RAB2B: variants seen among roughly 807,000 people sequenced by gnomAD.
RAB2B encodes RAB2B, member RAS oncogene family.
Under a neutral mutation model 29.8 loss-of-function variants are expected in RAB2B, and 20 were observed. The observed-to-expected ratio is 0.67, with a 90% confidence interval of 0.47 to 0.97. RAB2B has a LOEUF of 0.97. Ranked by LOEUF, RAB2B falls within the 50% of genes least tolerant of loss-of-function variation. RAB2B has a pLI of 0.00. For synonymous variants in RAB2B, 93 were observed against 91.7 expected (o/e 1.01, Z -0.08); for missense variants, 218 against 272.0 (o/e 0.80, Z 1.40).
chr14:21,460,091 A>T lies in RAB2B; in HGVS notation c.*1105T>A. Reference sequence around the variant, plus strand: ...AGAGAAGTACTCAGTGCTCTTGGGCAAGTAGAGGAAACTGCCTTCTACAAG... The same window carrying T: ...AGAGAAGTACTCAGTGCTCTTGGGCTAGTAGAGGAAACTGCCTTCTACAAG... On this transcript the variant is annotated 3_prime_UTR_variant, in exon 8 of 8. Coordinates refer to ENST00000397762, the MANE Select transcript of RAB2B (RefSeq NM_032846.4). The T allele has an allele frequency of 1.9e-6, 1 of 513,214 alleles. No individual in the cohort carries two copies. The highest frequency in any genetic ancestry group is 1.4e-5 in the South Asian group (1 of 70,964). The allele number at this position is 513,214 out of a possible 1,614,324, so 31.8% of individuals were successfully genotyped here.
intron 7 of RAB2B, among the ~76,000 whole-genome samples, chr14:21,462,085 C>G (rs969616142): frequency 6.6e-6 from 1 of 151,328 alleles, no homozygotes; most frequent in Non-Finnish European, 1.5e-5. Context: ...CTGAGGTTGA[C>G]AAGAAAATCT....
rs1290447233 is a variant in RAB2B, at chr14:21,459,125, C to G, written c.*2071G>C. 1.3e-5 allele frequency: 2 copies of G among 152,468 alleles called. No homozygotes were observed. The highest frequency in any genetic ancestry group is 1.3e-4 in the Admixed American group (2 of 15,270). The allele number at this position is 152,468 out of a possible 1,614,324, so 9.4% of individuals were successfully genotyped here. A position where few individuals can be genotyped will look rare whatever the true frequency, so the allele number is the denominator to read the frequency against. ...AGGGCTGTGGAAGAGAACGGGACAT[C>G]AAGGAAAAAAGATATATATAGCAAC... On this transcript the variant is annotated 3_prime_UTR_variant, in exon 8 of 8. Coordinates refer to ENST00000397762, the MANE Select transcript of RAB2B (RefSeq NM_032846.4).
At chr14:21,474,001 G>A (rs1890884572) in intron 3 of RAB2B, among the ~76,000 whole-genome samples, 1 of 151,956 alleles carries the variant, frequency 6.6e-6, no homozygotes, top group Non-Finnish European at 1.5e-5. Context: ...AACAGAGTAA[G>A]ACTCCGTCTC....
intron 5 of RAB2B, among the ~76,000 whole-genome samples, chr14:21,467,609 T>C (rs983616415): frequency 4.6e-5 from 7 of 152,244 alleles, no homozygotes; most frequent in Non-Finnish European, 1.0e-4. Context: ...GGAATCCTTG[T>C]ACATTGCTGG....
In RAB2B at chr14:21,471,041, C is replaced by T. The variant is rs547546966; in HGVS notation, c.187-2289G>A. Reference sequence around the variant, plus strand: ...AAAAAAAAATAGGTGGGCGTGGTGGCGCACGCCTGTAATCCCAGCTACTCA... The same window carrying T: ...AAAAAAAAATAGGTGGGCGTGGTGGTGCACGCCTGTAATCCCAGCTACTCA... On this transcript the variant is annotated intron_variant, in intron 3 of 7. Transcript: ENST00000397762. 1.1e-4 allele frequency among the ~76,000 whole-genome samples: 16 copies of T among 145,834 alleles called. No individual in the cohort carries two copies. The South Asian group carries it at 2.8e-3, about 26-fold the overall frequency.
intron 3 of RAB2B, among the ~76,000 whole-genome samples, chr14:21,471,656 G>A (rs1247091180): frequency 5.0e-5 from 7 of 140,786 alleles, no homozygotes; most frequent in African/African-American, 1.5e-4. Context: ...CAGCAGCAAC[G>A]AACTAAGATG....
chr14:21,469,912 C>A (rs1270041267), intron 3 of RAB2B, among the ~76,000 whole-genome samples: 3 of 151,030 alleles, frequency 2.0e-5, no homozygotes, highest in Non-Finnish European at 4.4e-5. Flanking sequence ...TCATTTACTT[C>A]TCTTAGCAAC....
intron 5 of RAB2B, 104 bp downstream of exon 5, chr14:21,468,253 C>A: frequency 8.9e-6 from 7 of 785,086 alleles, no homozygotes; most frequent in Non-Finnish European, 9.8e-6. Context: ...TTTTTTTTTA[C>A]TGAAACACTA....
Position 21,460,509 on chromosome 14 carries a change from T to C in RAB2B, c.*687A>G, listed in dbSNP as rs564541203. 4 of 222,176 alleles carry C rather than the reference T, an allele frequency of 1.8e-5. No homozygotes were observed. The highest frequency in any genetic ancestry group is 3.4e-5 in the Non-Finnish European group (4 of 116,138). 13.8% of individuals were successfully genotyped at this position (222,176 alleles called of 1,614,324 possible). On this transcript the variant is annotated 3_prime_UTR_variant, in exon 8 of 8. Transcript: ENST00000397762. ...TTGAGGCAGGAGAACTGCTTGAACC[T>C]GGAAAGTGGAGGTTGCAGTGAGCCA...
chr14:21,470,109 T>G (rs1033424180), intron 3 of RAB2B, among the ~76,000 whole-genome samples: 5 of 151,974 alleles, frequency 3.3e-5, no homozygotes, highest in Non-Finnish European at 7.4e-5. Flanking sequence ...CCCACCACCA[T>G]GCCTGGCTAA....
At chr14:21,464,887 C>A (rs1483368518) in intron 5 of RAB2B, among the ~76,000 whole-genome samples, 2 of 152,024 alleles carry the variant, frequency 1.3e-5, no homozygotes, top group Non-Finnish European at 2.9e-5. Context: ...CCTGTAGTCC[C>A]AGCTACGTGA....
rs780782872 is a variant in RAB2B at position 21,468,628 on chromosome 14, T to C, written c.269+42A>G. 6.9e-6 allele frequency: 10 copies of C among 1,458,418 alleles called. No individual in the cohort carries two copies. The East Asian group carries it at 1.1e-4, about 17-fold the overall frequency. 90.3% of individuals were successfully genotyped at this position (1,458,418 alleles called of 1,614,324 possible). A position where few individuals can be genotyped will look rare whatever the true frequency, so the allele number is the denominator to read the frequency against. On this transcript the variant is annotated intron_variant, in intron 4 of 7. Coordinates refer to ENST00000397762, the MANE Select transcript of RAB2B (RefSeq NM_032846.4). ...GAAAAAAAAAAAAAGCTTTAGAGGA[T>C]TTAGGGAAGAATCTCCCTCCCATGC...
rs1890993759 is a variant in RAB2B, at chr14:21,476,953, G to C, written c.-81C>G. 1.4e-6 allele frequency: 2 copies of C among 1,475,068 alleles called. No homozygotes were observed. The highest frequency in any genetic ancestry group is 9.4e-7 in the Non-Finnish European group (1 of 1,059,430). 91.4% of individuals were successfully genotyped at this position (1,475,068 alleles called of 1,614,324 possible). ...GACCTCTCTAGCCACTCAATCTACCGATCTTCTTCTTCTCCCCCTTCCCCC... is the reference window on the plus strand; with the variant it reads ...GACCTCTCTAGCCACTCAATCTACCCATCTTCTTCTTCTCCCCCTTCCCCC... On this transcript the variant is annotated 5_prime_UTR_variant, in exon 1 of 8. In the 5' UTR this introduces an upstream ATG that the reference lacks. Coordinates refer to ENST00000397762, the MANE Select transcript of RAB2B (RefSeq NM_032846.4).
rs1159068991 is a variant in RAB2B, at chr14:21,460,652, T to C, written c.*544A>G. 1 of 155,656 alleles carries C rather than the reference T, an allele frequency of 6.4e-6. No homozygotes were observed. The highest frequency in any genetic ancestry group is 2.4e-5 in the African/African-American group (1 of 41,406). The allele number at this position is 155,656 out of a possible 1,614,324, so 9.6% of individuals were successfully genotyped here. A position where few individuals can be genotyped will look rare whatever the true frequency, so the allele number is the denominator to read the frequency against. ...ATTTGAGACAGAGTTTTGCTCTTGT[T>C]GCCCAGGCTGCAGTGCAATGGCGTG... On this transcript the variant is annotated 3_prime_UTR_variant, in exon 8 of 8. Coordinates refer to ENST00000397762, the MANE Select transcript of RAB2B (RefSeq NM_032846.4).
chr14:21,475,984 A>G (rs1169698920), intron 2 of RAB2B, among the ~76,000 whole-genome samples: 1 of 152,272 alleles, frequency 6.6e-6, no homozygotes, highest in African/African-American at 2.4e-5. Flanking sequence ...TCTTCAGGCC[A>G]TGCCTTATCA....
rs774452404 is a variant in RAB2B, at chr14:21,461,244, G to A, written c.603C>T (p.Ala201=). The A allele has an allele frequency of 6.8e-6, 11 of 1,613,886 alleles. No individual in the cohort carries two copies. Among genetic ancestry groups the A allele is most frequent in the Non-Finnish European group, 9.3e-6 (11 of 1,179,890 alleles). ...CTATGTCACGAGAGTTCCGCTGGGA[G>A]GCACTGGGTCCCACTGATGTTGAAA... is the stretch of plus-strand genomic sequence containing the variant. ...QSISTSVGPS[A]SQRNSRDIGS... The change falls in exon 8 of 8, where the codon GCC becomes GCT. Residue 201 remains alanine (A), a synonymous_variant. Coordinates refer to ENST00000397762, the MANE Select transcript of RAB2B (RefSeq NM_032846.4).
At chr14:21,474,188 T>C (rs1890890639) in intron 3 of RAB2B, among the ~76,000 whole-genome samples, 1 of 148,730 alleles carries the variant, frequency 6.7e-6, no homozygotes, top group African/African-American at 2.4e-5. Context: ...TGAATCTCTG[T>C]CTCAAAAAAA....
At chr14:21,469,171 T>C (rs1272304751) in intron 3 of RAB2B, among the ~76,000 whole-genome samples, 1 of 152,086 alleles carries the variant, frequency 6.6e-6, no homozygotes, top group Non-Finnish European at 1.5e-5. Flanking sequence ...ATCCCAAATA[T>C]GATATTGAAC....
chr14:21,474,503 G>C (rs1200164206), intron 3 of RAB2B: 4 of 210,522 alleles, frequency 1.9e-5, no homozygotes, highest in African/African-American at 9.3e-5. Flanking sequence ...TAAATGCATA[G>C]AAAAAGTCTG....
Sources: gnomAD v4.1 joint callset for allele counts (sites outside exome capture counted in the v4.1 genomes callset) on GRCh38, gnomAD v4.1.1 for gene constraint, MANE v1.5 for transcripts, NCBI Gene and HGNC (gene_info 2026-07-23, HGNC 2026-07-21) for gene names.